DCC: variants seen among roughly 807,000 people sequenced by gnomAD.
DCC encodes the protein netrin receptor DCC.
Under a neutral mutation model 172.5 loss-of-function variants are expected in DCC, and 58 were observed. The ratio of observed to expected loss-of-function variants is 0.34; its 90% CI spans 0.27 to 0.42. The LOEUF (loss-of-function observed/expected upper bound fraction) is 0.42. Among genes scored for constraint, DCC ranks in the 10% least tolerant of loss-of-function variants. The pLI is 1.00. For synonymous variants in DCC, 709 were observed against 644.5 expected (o/e 1.10, Z -1.52); for missense variants, 1,740 against 1,791.0 (o/e 0.97, Z 0.51).
intron 5 of DCC, among the ~76,000 whole-genome samples, chr18:53,023,920 T>G (rs1307403610): frequency 6.6e-6 from 1 of 152,120 alleles, no homozygotes; most frequent in Non-Finnish European, 1.5e-5. Context: ...AGTGGAATTA[T>G]TTTATTTCTA....
intron 14 of DCC, among the ~76,000 whole-genome samples, chr18:53,323,655 G>GT (rs1555652388): frequency 9.2e-5 from 14 of 151,904 alleles, no homozygotes; most frequent in Non-Finnish European, 1.5e-4. Flanking sequence ...TGGATGGATG[G>GT]TGGTTGGTTG....
chr18:52,898,470 A>G (rs1390201233), intron 2 of DCC, among the ~76,000 whole-genome samples: 2 of 152,096 alleles, frequency 1.3e-5, no homozygotes, highest in Admixed American at 1.3e-4. Context: ...TTGAAAACTA[A>G]AGTACTTTAG....
intron 5 of DCC, among the ~76,000 whole-genome samples, chr18:52,931,159 A>C (rs2040301798): frequency 6.6e-6 from 1 of 152,082 alleles, no homozygotes; most frequent in Non-Finnish European, 1.5e-5. Context: ...AAAAGGCTCC[A>C]AAAATGAATA....
intron 2 of DCC, among the ~76,000 whole-genome samples, chr18:52,847,846 A>C (rs1003814979): frequency 6.6e-6 from 1 of 152,180 alleles, no homozygotes; most frequent in Non-Finnish European, 1.5e-5. Context: ...TTAGCCTTGT[A>C]ACTTTGAGTA....
At chr18:53,094,592 G>A (rs1238328865) in intron 7 of DCC, among the ~76,000 whole-genome samples, 1 of 152,188 alleles carries the variant, frequency 6.6e-6, no homozygotes, top group African/African-American at 2.4e-5. Context: ...GAATTTTTCA[G>A]TGAAACTTTG....
At chr18:53,059,713 A>C (rs1479673271) in intron 5 of DCC, among the ~76,000 whole-genome samples, 2 of 152,130 alleles carry the variant, frequency 1.3e-5, no homozygotes, top group African/African-American at 4.8e-5. Context: ...TTTTTATGAC[A>C]AGAAAATAAT....
At chr18:52,879,418 T>TTTTTTTTTTTTTG in intron 2 of DCC, among the ~76,000 whole-genome samples, 1 of 33,014 alleles carries the variant, frequency 3.0e-5, no homozygotes, top group Non-Finnish European at 6.8e-5. Flanking sequence ...TTGGCTTTTT[T>TTTTTTTTTTTTTG]TTTTTTTTTT....
chr18:53,301,980 G>C (rs1411846619), intron 12 of DCC, among the ~76,000 whole-genome samples: 1 of 152,194 alleles, frequency 6.6e-6, no homozygotes, highest in Non-Finnish European at 1.5e-5. Flanking sequence ...AGAAGTCCAA[G>C]ATCAATGTGT....
At chr18:52,652,677 G>A (rs1759224697) in intron 1 of DCC, among the ~76,000 whole-genome samples, 2 of 146,840 alleles carry the variant, frequency 1.4e-5, no homozygotes, top group Admixed American at 1.4e-4. Context: ...TGAGCGACAG[G>A]GAATCAGAGT....
Position 52,584,448 on chromosome 18 carries a change from C to A in DCC, c.92-167606C>A, listed in dbSNP as rs546584423. 5.3e-5 allele frequency among the ~76,000 whole-genome samples: 8 copies of A among 152,168 alleles called. No individual in the cohort carries two copies. The East Asian group carries it at 1.5e-3, about 29-fold the overall frequency. On this transcript the variant is annotated intron_variant, in intron 1 of 28. Transcript: ENST00000442544. Reference sequence around the variant, plus strand: ...AGATGGAGAGACAGAGAGACAGGACCAAGCTGATTGAAGCAAAGCCAACTG... The same window carrying A: ...AGATGGAGAGACAGAGAGACAGGACAAAGCTGATTGAAGCAAAGCCAACTG...
At chr18:53,188,488 T>C (rs1042394435) in intron 9 of DCC, among the ~76,000 whole-genome samples, 3 of 152,206 alleles carry the variant, frequency 2.0e-5, no homozygotes, top group African/African-American at 4.8e-5. Context: ...TTTGGGATAA[T>C]ATGAAGGGGC....
chr18:53,175,779 T>C (rs1438075636), intron 8 of DCC, among the ~76,000 whole-genome samples: 1 of 151,754 alleles, frequency 6.6e-6, no homozygotes, highest in Non-Finnish European at 1.5e-5. Flanking sequence ...TTCAATGCCA[T>C]CCCCATCAAG....
At chr18:52,607,654 C>CA (rs1430006724) in intron 1 of DCC, among the ~76,000 whole-genome samples, 3 of 152,098 alleles carry the variant, frequency 2.0e-5, no homozygotes, top group Admixed American at 6.6e-5. Flanking sequence ...AAATCACTTA[C>CA]ATAATCCCTT....
Position 53,110,973 on chromosome 18 carries a change from A to G in DCC, c.1261+44807A>G, listed in dbSNP as rs1214725900. Among the ~76,000 whole-genome samples, 14 of 121,100 alleles carry G rather than the reference A, an allele frequency of 1.2e-4. No individual in the cohort carries two copies. The South Asian group carries it at 1.9e-3, about 17-fold the overall frequency. 79.4% of individuals were successfully genotyped at this position (121,100 alleles called of 152,430 possible). Reference sequence around the variant, plus strand: ...ACGTATGTTTATTGTGGCACTATTCACAATAGCAAAGACTTGGAACCAACC... The same window carrying G: ...ACGTATGTTTATTGTGGCACTATTCGCAATAGCAAAGACTTGGAACCAACC... On this transcript the variant is annotated intron_variant, in intron 7 of 28. Transcript: ENST00000442544.
intron 5 of DCC, among the ~76,000 whole-genome samples, chr18:52,928,991 T>C (rs1367801202): frequency 1.3e-5 from 2 of 152,076 alleles, no homozygotes; most frequent in African/African-American, 2.4e-5. Context: ...GAAAGGAGTC[T>C]CTTCAAACTT....
At chr18:52,421,617 A>G (rs1220201957) in intron 1 of DCC, among the ~76,000 whole-genome samples, 3 of 152,130 alleles carry the variant, frequency 2.0e-5, no homozygotes, top group African/African-American at 7.2e-5. Flanking sequence ...ACTTCCACGG[A>G]GCATAGGGAA....
At chr18:52,958,766 A>G (rs2040790543) in intron 5 of DCC, among the ~76,000 whole-genome samples, 1 of 152,090 alleles carries the variant, frequency 6.6e-6, no homozygotes, top group South Asian at 2.1e-4. Flanking sequence ...GAAGGAGGAG[A>G]GACATGTTGT....
chr18:52,737,719 A>G (rs1255843177), intron 1 of DCC, among the ~76,000 whole-genome samples: 3 of 152,186 alleles, frequency 2.0e-5, no homozygotes, highest in Non-Finnish European at 2.9e-5. Context: ...GGAGAGAATG[A>G]GGAAGCCAGA....
intron 3 of DCC, among the ~76,000 whole-genome samples, chr18:52,918,042 C>T (rs912963270): frequency 3.9e-5 from 6 of 152,054 alleles, no homozygotes; most frequent in Non-Finnish European, 8.8e-5. Flanking sequence ...AGGACCCACG[C>T]TTATATTTTT....
Sources: allele counts gnomAD v4.1 joint callset (sites outside exome capture counted in the v4.1 genomes callset), GRCh38; gene constraint gnomAD v4.1.1; transcripts MANE v1.5; gene names NCBI Gene and HGNC (gene_info 2026-07-23, HGNC 2026-07-21).